The following LRP1B variants were observed in gnomAD, a reference collection of about 807,000 sequenced individuals.
LRP1B encodes the protein LDL receptor related protein 1B.
LRP1B carries 217 observed loss-of-function variants against 556.6 expected under a neutral mutation model. The ratio of observed to expected loss-of-function variants is 0.39; its 90% CI spans 0.35 to 0.44. LRP1B has a LOEUF of 0.44. Among genes scored for constraint, LRP1B ranks in the 20% least tolerant of loss-of-function variants. LRP1B has a pLI of 1.00. For missense variants in LRP1B, 5,053 were observed against 5,620.8 expected, an observed-to-expected ratio of 0.90 and a Z score of 3.23; for synonymous variants, 2,047 against 1,865.8, an observed-to-expected ratio of 1.10 and a Z score of -2.50.
At chr2:140,994,202 C>A (rs2105359477) in intron 15 of LRP1B, 67 bp from the exon 16 acceptor site, 1 of 1,426,196 alleles carries the variant, frequency 7.0e-7, no homozygotes, top group Admixed American at 1.9e-5. Context: ...AAATTTAAAT[C>A]TTGTAGAGTT....
At chr2:141,232,358 G>A (rs1044086363) in intron 5 of LRP1B, among the ~76,000 whole-genome samples, 2 of 152,160 alleles carry the variant, frequency 1.3e-5, no homozygotes, top group African/African-American at 4.8e-5. Flanking sequence ...ATGACCTTTA[G>A]TGAAACTACT....
intron 3 of LRP1B, among the ~76,000 whole-genome samples, chr2:141,352,299 G>C (rs181100753): frequency 3.4e-4 from 52 of 151,866 alleles, no homozygotes; most frequent in African/African-American, 1.3e-3. Context: ...GTGTTCTATA[G>C]GTAGTCAATA....
intron 7 of LRP1B, among the ~76,000 whole-genome samples, chr2:141,135,329 A>G (rs1558884460): frequency 6.6e-6 from 1 of 151,952 alleles, no homozygotes. Context: ...CTTAGAATCT[A>G]TTTCCTTCTG....
intron 1 of LRP1B, among the ~76,000 whole-genome samples, chr2:141,837,574 A>G (rs1053848354): frequency 1.3e-5 from 2 of 152,072 alleles, no homozygotes; most frequent in Non-Finnish European, 2.9e-5. Flanking sequence ...CATATATTCT[A>G]TAATAATATG....
intron 2 of LRP1B, among the ~76,000 whole-genome samples, chr2:141,481,589 A>C (rs573166749): frequency 6.6e-6 from 1 of 152,294 alleles, no homozygotes; most frequent in South Asian, 2.1e-4. Flanking sequence ...AAATAAGCCT[A>C]CCTCGTAGGG....
chr2:140,977,059 A>T (rs928462016), intron 18 of LRP1B, among the ~76,000 whole-genome samples: 3 of 152,226 alleles, frequency 2.0e-5, no homozygotes, highest in Non-Finnish European at 2.9e-5. Context: ...ATGTTTAATC[A>T]TGAAATGCCC....
At chr2:140,941,022 A>G (rs1264683392) in intron 20 of LRP1B, among the ~76,000 whole-genome samples, 1 of 152,122 alleles carries the variant, frequency 6.6e-6, no homozygotes, top group Non-Finnish European at 1.5e-5. Flanking sequence ...ATGATCAGTG[A>G]TGTCAACATT....
chr2:141,467,825 GTTT>G (rs75750071), intron 3 of LRP1B, among the ~76,000 whole-genome samples: 3 of 25,514 alleles, frequency 1.2e-4, no homozygotes, highest in Non-Finnish European at 3.3e-4. Flanking sequence ...TTGTTTGTTT[GTTT>G]GTTTGCGGAC....
rs536843119 is a variant in LRP1B at position 141,877,061 on chromosome 2, T to C, written c.83-66660A>G. 1.1e-4 allele frequency among the ~76,000 whole-genome samples: 17 copies of C among 152,124 alleles called. 1 individual carries two copies. In the South Asian group the frequency reaches 3.5e-3, roughly 31 times the overall value. On this transcript the variant is annotated intron_variant, in intron 1 of 90. Coordinates refer to ENST00000389484, the MANE Select transcript of LRP1B (RefSeq NM_018557.3). Reference sequence around the variant, plus strand: ...AAGACTTTTAAAATAAATTTATAATTTTAGTATTATTTAATGTTGCACAAG... The same window carrying C: ...AAGACTTTTAAAATAAATTTATAATCTTAGTATTATTTAATGTTGCACAAG...
At chr2:141,065,568 T>C (rs1335892879) in intron 7 of LRP1B, among the ~76,000 whole-genome samples, 3 of 151,920 alleles carry the variant, frequency 2.0e-5, no homozygotes, top group Admixed American at 2.0e-4. Flanking sequence ...TTTTGAAGAA[T>C]GTTCCAACTT....
intron 32 of LRP1B, among the ~76,000 whole-genome samples, chr2:140,803,939 A>G (rs1194353844): frequency 6.8e-6 from 1 of 146,214 alleles, no homozygotes; most frequent in Non-Finnish European, 1.5e-5. Context: ...TAGGGCAGAC[A>G]GAGTGGGGTA....
At chr2:141,609,187 A>G (rs1273975107) in intron 2 of LRP1B, among the ~76,000 whole-genome samples, 1 of 152,218 alleles carries the variant, frequency 6.6e-6, no homozygotes, top group East Asian at 1.9e-4. Context: ...TATGGTATAA[A>G]TATTCCTAAT....
chr2:140,658,566 T>C (rs116133132), intron 41 of LRP1B, among the ~76,000 whole-genome samples: 8,718 of 152,112 alleles, frequency 0.057, 288 homozygotes, highest in Admixed American at 0.078. Context: ...AAACTAGTTT[T>C]CCCACCTTTA....
chr2:141,092,482 G>A (rs960945133), intron 7 of LRP1B, among the ~76,000 whole-genome samples: 12 of 152,166 alleles, frequency 7.9e-5, no homozygotes, highest in African/African-American at 2.9e-4. Flanking sequence ...GAAAGTCAGG[G>A]AAGAGGTCCA....
chr2:140,761,675 A>C (rs1290312969), intron 35 of LRP1B, among the ~76,000 whole-genome samples: 1 of 152,134 alleles, frequency 6.6e-6, no homozygotes, highest in Non-Finnish European at 1.5e-5. Flanking sequence ...CCTGCAAGGA[A>C]CAGAATCCTG....
chr2:140,355,349 A>C (rs972679179), intron 75 of LRP1B, among the ~76,000 whole-genome samples: 12 of 151,906 alleles, frequency 7.9e-5, no homozygotes, highest in African/African-American at 2.9e-4. Context: ...AAGATAATTC[A>C]TTTTTTAACT....
At chr2:140,622,754 C>T (rs1351978778) in intron 41 of LRP1B, among the ~76,000 whole-genome samples, 1 of 152,150 alleles carries the variant, frequency 6.6e-6, no homozygotes, top group Non-Finnish European at 1.5e-5. Context: ...GGCAGAATGG[C>T]TCACAGTTTG....
intron 3 of LRP1B, among the ~76,000 whole-genome samples, chr2:141,476,661 C>T (rs796355706): frequency 9.9e-5 from 15 of 152,192 alleles, no homozygotes; most frequent in African/African-American, 3.6e-4. Context: ...TTTTCATTAT[C>T]TTTACTAGAA....
At chr2:140,654,102 C>T (rs534052783) in intron 41 of LRP1B, among the ~76,000 whole-genome samples, 35 of 145,510 alleles carry the variant, frequency 2.4e-4, no homozygotes, top group Admixed American at 2.4e-3. Context: ...CAGGGAAATA[C>T]TGGATGAGTA....
Sources: gnomAD v4.1 joint callset for allele counts (sites outside exome capture counted in the v4.1 genomes callset) on GRCh38, gnomAD v4.1.1 for gene constraint, MANE v1.5 for transcripts, NCBI Gene and HGNC (gene_info 2026-07-23, HGNC 2026-07-21) for gene names.